Variants in IL22RA2 observed in about 807,000 individuals in gnomAD.
IL22RA2 encodes interleukin-22 receptor subunit alpha-2.
In IL22RA2, 39 loss-of-function variants were observed where a neutral mutation model predicts 30.7. That is an observed-to-expected ratio of 1.27 (90% confidence interval 0.98 to 1.66). The LOEUF is 1.66. Ranked by LOEUF, IL22RA2 falls within the 40% of genes most tolerant of loss-of-function variation. The pLI is 0.00. For synonymous variants in IL22RA2, 103 were observed against 105.0 expected (o/e 0.98, Z 0.11); for missense variants, 315 against 312.7 (o/e 1.01, Z -0.05).
chr6:137,155,050 G>T lies in IL22RA2; in HGVS notation c.363C>A (p.Thr121=). The change falls in exon 5 of 7, where the codon ACC becomes ACA. Residue 121 remains threonine (T), a synonymous_variant. Transcript: ENST00000296980. ...WGTQELSCDL[T]SETSDIQEPY... Reference sequence around the variant, plus strand: ...GTTCCTGTATGTCTGAGGTTTCACTGGTAAGGTCACAAGAGAGTTCTTGAG... The same window carrying T: ...GTTCCTGTATGTCTGAGGTTTCACTTGTAAGGTCACAAGAGAGTTCTTGAG... 1 of 1,613,688 alleles carries T rather than the reference G, an allele frequency of 6.2e-7. No individual in the cohort carries two copies. The highest frequency in any genetic ancestry group is 2.2e-5 in the East Asian group (1 of 44,872).
chr6:137,154,620 A>AACACACACACACACAC (rs10682551), intron 5 of IL22RA2, among the ~76,000 whole-genome samples: 191 of 148,512 alleles, frequency 1.3e-3, no homozygotes, highest in African/African-American at 4.3e-3. Flanking sequence ...GTCACACACA[A>AACACACACACACACAC]ACACACACAC....
intron 5 of IL22RA2, among the ~76,000 whole-genome samples, chr6:137,153,601 G>C (rs2114362431): frequency 6.6e-6 from 1 of 152,248 alleles, no homozygotes; most frequent in Admixed American, 6.5e-5. Context: ...GGAAGTCGAG[G>C]CTCTCTCCTG....
At chr6:137,150,619 G>A (rs891831396) in intron 5 of IL22RA2, among the ~76,000 whole-genome samples, 1 of 151,060 alleles carries the variant, frequency 6.6e-6, no homozygotes, top group African/African-American at 2.4e-5. Flanking sequence ...ATTCTTACCT[G>A]ACTGGCCTAA....
chr6:137,147,796 C>T lies in IL22RA2; in HGVS notation c.568G>A (p.Glu190Lys), dbSNP rs28362173. The change falls in exon 6 of 7, where the codon GAA becomes AAA. Residue 190 changes from glutamate to lysine, a missense_variant. Physicochemically the swap from Glu to Lys is moderately conservative, Grantham distance 56. Coordinates refer to ENST00000296980, the MANE Select transcript of IL22RA2 (RefSeq NM_052962.3). Reference protein sequence around the residue: ...APNLPYRYQKEKNVSIEDYYE... With the variant: ...APNLPYRYQKKKNVSIEDYYE... ...TAATCTTCTATAGATACATTTTTTT[C>T]CTTTTGGTATCTATATGGTAAATTT... The T allele has an allele frequency of 4.0e-5, 65 of 1,607,988 alleles. No homozygotes were observed. The African/African-American group carries it at 7.8e-4, about 19-fold the overall frequency.
chr6:137,156,433 G>A (rs1488037890), intron 4 of IL22RA2, among the ~76,000 whole-genome samples: 1 of 152,170 alleles, frequency 6.6e-6, no homozygotes, highest in Non-Finnish European at 1.5e-5. Context: ...AACATATATT[G>A]AGTATAATTT....
intron 6 of IL22RA2, among the ~76,000 whole-genome samples, 165 bp downstream of exon 6, chr6:137,147,557 C>T (rs1035907956): frequency 3.3e-5 from 5 of 151,960 alleles, no homozygotes; most frequent in Admixed American, 6.6e-5. Flanking sequence ...GATGGTGATG[C>T]CACCACCAAC....
rs1444906224 is a variant in IL22RA2 at position 137,165,975 on chromosome 6, C to T, written c.-65-4161G>A. ...TTGGAGACTATGAATACTCTAAATCCGGCCACACTGCTGCTGATAGAATGG... is the reference window on the plus strand; with the variant it reads ...TTGGAGACTATGAATACTCTAAATCTGGCCACACTGCTGCTGATAGAATGG... On this transcript the variant is annotated intron_variant, in intron 1 of 6. Coordinates refer to ENST00000296980, the MANE Select transcript of IL22RA2 (RefSeq NM_052962.3). Among the ~76,000 whole-genome samples, 9 of 152,286 alleles carry T rather than the reference C, an allele frequency of 5.9e-5. No homozygotes were observed. The South Asian group carries it at 6.2e-4, about 11-fold the overall frequency.
intron 1 of IL22RA2, among the ~76,000 whole-genome samples, chr6:137,162,393 T>C (rs957358911): frequency 6.6e-6 from 1 of 152,180 alleles, no homozygotes; most frequent in African/African-American, 2.4e-5. Flanking sequence ...TCCCACTCCA[T>C]AGTGGTCCTG....
Position 137,163,507 on chromosome 6 carries a change from C to T in IL22RA2, c.-65-1693G>A, listed in dbSNP as rs575699813. ...GCCCAGAAGGAGAACAGCCCTTCCA[C>T]GTTCTGGAGCCTTCCTCCAACAGTG... On this transcript the variant is annotated intron_variant, in intron 1 of 6. Coordinates refer to ENST00000296980, the MANE Select transcript of IL22RA2 (RefSeq NM_052962.3). 1.7e-3 allele frequency among the ~76,000 whole-genome samples: 260 copies of T among 152,286 alleles called. 1 individual carries two copies. Among genetic ancestry groups the T allele is most frequent in the African/African-American group, 5.8e-3 (241 of 41,566 alleles).
At chr6:137,155,710 A>C (rs1398549523) in intron 4 of IL22RA2, among the ~76,000 whole-genome samples, 1 of 152,072 alleles carries the variant, frequency 6.6e-6, no homozygotes, top group Non-Finnish European at 1.5e-5. Context: ...CAACACATGA[A>C]CTTTTGGGGG....
At chr6:137,152,824 G>A (rs534324293) in intron 5 of IL22RA2, among the ~76,000 whole-genome samples, 4 of 152,274 alleles carry the variant, frequency 2.6e-5, no homozygotes, top group Admixed American at 1.3e-4. Context: ...TTGCATGATG[G>A]AGGCTATATA....
intron 4 of IL22RA2, 137 bp from the exon 5 acceptor site, chr6:137,155,256 C>T (rs1778380082): frequency 1.7e-6 from 1 of 592,772 alleles, no homozygotes; most frequent in Non-Finnish European, 2.8e-6. Context: ...TCTTCAGAAT[C>T]TTTAAAAAAA....
intron 2 of IL22RA2, among the ~76,000 whole-genome samples, chr6:137,159,509 G>A (rs1007744309): frequency 6.6e-6 from 1 of 152,190 alleles, no homozygotes; most frequent in Admixed American, 6.5e-5. Context: ...TTTTAGTAGA[G>A]ATGGGGTTTT....
intron 1 of IL22RA2, among the ~76,000 whole-genome samples, chr6:137,172,100 G>A: frequency 6.6e-6 from 1 of 152,194 alleles, no homozygotes; most frequent in Non-Finnish European, 1.5e-5. Flanking sequence ...GGATGATAAT[G>A]TGGGTTTGCA....
intron 1 of IL22RA2, among the ~76,000 whole-genome samples, chr6:137,163,658 C>T (rs747432098): frequency 5.7e-4 from 87 of 152,312 alleles, no homozygotes; most frequent in South Asian, 1.4e-3. Flanking sequence ...AGCCTGGTCA[C>T]CTCCAAGGGC....
rs560036221 is a variant in IL22RA2 at position 137,173,469 on chromosome 6, C to T, written c.-122G>A. 1 of 152,340 alleles carries T rather than the reference C, an allele frequency of 6.6e-6. No homozygotes were observed. Among genetic ancestry groups the T allele is most frequent in the African/African-American group, 2.4e-5 (1 of 41,570 alleles). The allele number at this position is 152,340 out of a possible 1,614,324, so 9.4% of individuals were successfully genotyped here. A position where few individuals can be genotyped will look rare whatever the true frequency, so the allele number is the denominator to read the frequency against. Reference sequence around the variant, plus strand: ...GCCATTTTAGTGTCAATAATAAGATCTAATAATTATGGGACGCCATGTTAT... The same window carrying T: ...GCCATTTTAGTGTCAATAATAAGATTTAATAATTATGGGACGCCATGTTAT... On this transcript the variant is annotated 5_prime_UTR_variant, in exon 1 of 7. The change abolishes the stop of an existing upstream ORF in the 5' untranslated region. Transcript: ENST00000296980.
At chr6:137,161,587 C>A in intron 2 of IL22RA2, 102 bp downstream of exon 2, 1 of 894,422 alleles carries the variant, frequency 1.1e-6, no homozygotes, top group Non-Finnish European at 1.8e-6. Context: ...AAAGCTGCAG[C>A]CTTTATAAAG....
rs967114790 is a variant in IL22RA2, at chr6:137,158,601, A to T, written c.62-119T>A. 3 of 985,796 alleles carry T rather than the reference A, an allele frequency of 3.0e-6. No homozygotes were observed. In the Admixed American group the frequency reaches 6.4e-5, roughly 21 times the overall value. The allele number at this position is 985,796 out of a possible 1,614,324, so 61.1% of individuals were successfully genotyped here. On this transcript the variant is annotated intron_variant, in intron 2 of 6. Coordinates refer to ENST00000296980, the MANE Select transcript of IL22RA2 (RefSeq NM_052962.3). ...CCTAAAGTAGTTGCTCTAAGTGCAG[A>T]TAGTAGAGGTGGAGCCCAGAAATCA...
chr6:137,146,824 C>G (rs1778189576), intron 6 of IL22RA2, among the ~76,000 whole-genome samples: 1 of 151,734 alleles, frequency 6.6e-6, no homozygotes, highest in Admixed American at 6.6e-5. Context: ...CAGAGCCTGT[C>G]CCTACTAAAA....
Sources: allele counts gnomAD v4.1 joint callset (sites outside exome capture counted in the v4.1 genomes callset), GRCh38; gene constraint gnomAD v4.1.1; transcripts MANE v1.5; gene names NCBI Gene and HGNC (gene_info 2026-07-23, HGNC 2026-07-21).